The following FBXO11 variants were observed in gnomAD, a reference collection of about 807,000 sequenced individuals.
FBXO11 encodes the protein F-box only protein 11.
In FBXO11, 13 loss-of-function variants were observed where a neutral mutation model predicts 117.0. The observed-to-expected ratio is 0.11, with a 90% confidence interval of 0.07 to 0.18. The LOEUF (loss-of-function observed/expected upper bound fraction) is 0.18. Among genes scored for constraint, FBXO11 ranks in the 10% least tolerant of loss-of-function variants. The pLI is 1.00. For synonymous variants in FBXO11, 490 were observed against 380.5 expected, an observed-to-expected ratio of 1.29 and a Z score of -3.35; for missense variants, 767 against 1,164.4, an observed-to-expected ratio of 0.66 and a Z score of 4.97.
chr2:47,823,504 C>A, intron 11 of FBXO11, 144 bp from the exon 12 acceptor site: 1 of 675,960 alleles, frequency 1.5e-6, no homozygotes. Flanking sequence ...CCTGTTAATC[C>A]CAGCACTTTG....
chr2:47,865,029 A>G (rs1572869374), intron 1 of FBXO11, among the ~76,000 whole-genome samples: 1 of 152,350 alleles, frequency 6.6e-6, no homozygotes, highest in Non-Finnish European at 1.5e-5. Context: ...CTTAAACTAA[A>G]AATTTCCTGA....
intron 1 of FBXO11, among the ~76,000 whole-genome samples, chr2:47,900,836 ACACACACGTGTATATATATACACG>A: frequency 4.8e-5 from 1 of 21,006 alleles, no homozygotes; most frequent in African/African-American, 1.2e-4. Context: ...ATACACGTAT[ACACACACGTGTATATATATACACG>A]TATACACACA....
intron 1 of FBXO11, among the ~76,000 whole-genome samples, chr2:47,879,259 T>A (rs1676257393): frequency 6.6e-6 from 1 of 152,224 alleles, no homozygotes; most frequent in South Asian, 2.1e-4. Flanking sequence ...ACATGTATCA[T>A]GTGGTGTAAA....
chr2:47,862,865 A>C (rs564514387), intron 1 of FBXO11, among the ~76,000 whole-genome samples: 1 of 152,024 alleles, frequency 6.6e-6, no homozygotes, highest in South Asian at 2.1e-4. Flanking sequence ...GACCAGCCTG[A>C]CCAACATGGT....
chr2:47,897,143 C>T (rs1247593601), intron 1 of FBXO11, among the ~76,000 whole-genome samples: 1 of 152,212 alleles, frequency 6.6e-6, no homozygotes, highest in African/African-American at 2.4e-5. Flanking sequence ...CATGCTCTTC[C>T]TCTTCCCCAT....
rs539960986 is a variant in FBXO11, at chr2:47,864,364, G to C, written c.233-24595C>G. On this transcript the variant is annotated intron_variant, in intron 1 of 22. Coordinates refer to ENST00000403359, the MANE Select transcript of FBXO11 (RefSeq NM_001190274.2). ...GCAGTTTGGGAGGCCAGGGCAGGCA[G>C]ATCACCTGAGGTCAGGAGTTCAAGA... Among the ~76,000 whole-genome samples, 9 of 152,350 alleles carry C rather than the reference G, an allele frequency of 5.9e-5. No individual in the cohort carries two copies. In the South Asian group the frequency reaches 1.9e-3, roughly 32 times the overall value.
At chr2:47,824,407 G>GT (rs1357497537) in intron 11 of FBXO11, among the ~76,000 whole-genome samples, 2 of 152,150 alleles carry the variant, frequency 1.3e-5, no homozygotes, top group Admixed American at 6.5e-5. Context: ...TGGGAGGACT[G>GT]TTTGAGCCTG....
chr2:47,808,034 G>A lies in FBXO11; in HGVS notation c.*84C>T, dbSNP rs757580075. ...TTAATACAGTCTCTTCCTGTAGCAT[G>A]GGCAAATATTTTAAATCTTCTTCCA... On this transcript the variant is annotated 3_prime_UTR_variant, in exon 23 of 23. Coordinates refer to ENST00000403359, the MANE Select transcript of FBXO11 (RefSeq NM_001190274.2). 2.4e-6 allele frequency: 3 copies of A among 1,240,266 alleles called. No homozygotes were observed. Among genetic ancestry groups the A allele is most frequent in the Non-Finnish European group, 3.4e-6 (3 of 879,588 alleles). The allele number at this position is 1,240,266 out of a possible 1,614,324, so 76.8% of individuals were successfully genotyped here. A position where few individuals can be genotyped will look rare whatever the true frequency, so the allele number is the denominator to read the frequency against.
chr2:47,813,494 CG>C (rs1670780343), intron 17 of FBXO11, 117 bp from the exon 18 acceptor site: 3 of 675,432 alleles, frequency 4.4e-6, no homozygotes, highest in Admixed American at 9.1e-5. Context: ...TGCAGTGGCG[CG>C]ATCTTGGCTC....
At chr2:47,901,753 C>A (rs1678317767) in intron 1 of FBXO11, among the ~76,000 whole-genome samples, 1 of 152,120 alleles carries the variant, frequency 6.6e-6, no homozygotes, top group South Asian at 2.1e-4. Context: ...TTTCCTCATA[C>A]TTTGTAATAT....
At chr2:47,898,143 T>C (rs1048645210) in intron 1 of FBXO11, among the ~76,000 whole-genome samples, 6 of 152,258 alleles carry the variant, frequency 3.9e-5, no homozygotes, top group Non-Finnish European at 8.8e-5. Context: ...TCACACTTGC[T>C]TTAACATGCT....
chr2:47,900,235 C>T (rs1223245267), intron 1 of FBXO11, among the ~76,000 whole-genome samples: 1 of 152,076 alleles, frequency 6.6e-6, no homozygotes, highest in Admixed American at 6.6e-5. Context: ...TTTTACAGCT[C>T]CCATACTTCC....
At chr2:47,872,520 C>T (rs1675698640) in intron 1 of FBXO11, among the ~76,000 whole-genome samples, 1 of 152,182 alleles carries the variant, frequency 6.6e-6, no homozygotes, top group South Asian at 2.1e-4. Context: ...GACGGGGTTT[C>T]ACCATGTTGG....
chr2:47,824,129 G>C (rs1572787324), intron 11 of FBXO11, among the ~76,000 whole-genome samples: 1 of 152,194 alleles, frequency 6.6e-6, no homozygotes, highest in Non-Finnish European at 1.5e-5. Context: ...CCATTAACTA[G>C]TAAGCACATA....
rs1308154880 is a variant in FBXO11, at chr2:47,839,785, G to A, written c.233-16C>T. The A allele has an allele frequency of 6.3e-7, 1 of 1,592,238 alleles. No individual in the cohort carries two copies. The highest frequency in any genetic ancestry group is 1.4e-5 in the African/African-American group (1 of 73,388). Reference sequence around the variant, plus strand: ...ACATCATCATCTGTTATAAACAAAAGCAATAAGAAAAATTATACCCTTTTT... The same window carrying A: ...ACATCATCATCTGTTATAAACAAAAACAATAAGAAAAATTATACCCTTTTT... On this transcript the variant is annotated splice_polypyrimidine_tract_variant and intron_variant, in intron 1 of 22. Coordinates refer to ENST00000403359, the MANE Select transcript of FBXO11 (RefSeq NM_001190274.2).
At chr2:47,856,634 T>A (rs1674316885) in intron 1 of FBXO11, among the ~76,000 whole-genome samples, 1 of 152,238 alleles carries the variant, frequency 6.6e-6, no homozygotes, top group Admixed American at 6.5e-5. Context: ...GTTGTATCAG[T>A]TAGTGGAGAA....
chr2:47,901,102 T>C (rs1440618463), intron 1 of FBXO11, among the ~76,000 whole-genome samples: 1 of 106,548 alleles, frequency 9.4e-6, no homozygotes, highest in Admixed American at 8.8e-5. Flanking sequence ...TATACATATA[T>C]ATGTATATAT....
chr2:47,869,812 A>G (rs988385590), intron 1 of FBXO11, among the ~76,000 whole-genome samples: 1 of 152,200 alleles, frequency 6.6e-6, no homozygotes, highest in African/African-American at 2.4e-5. Flanking sequence ...GGATAGTCAT[A>G]TCCTATTAGG....
chr2:47,901,086 C>T (rs11883445), intron 1 of FBXO11, among the ~76,000 whole-genome samples: 15 of 104,784 alleles, frequency 1.4e-4, no homozygotes, highest in African/African-American at 4.8e-4. Flanking sequence ...CACGTGTGTA[C>T]ATATATATAC....
Sources: allele counts gnomAD v4.1 joint callset (sites outside exome capture counted in the v4.1 genomes callset), GRCh38; gene constraint gnomAD v4.1.1; transcripts MANE v1.5; gene names NCBI Gene and HGNC (gene_info 2026-07-23, HGNC 2026-07-21).